ARHGAP1: variants seen among roughly 807,000 people sequenced by gnomAD.
The protein encoded by ARHGAP1 is rho GTPase-activating protein 1.
ARHGAP1 carries 23 observed loss-of-function variants against 52.2 expected under a neutral mutation model. The ratio of observed to expected loss-of-function variants is 0.44; its 90% confidence interval spans 0.32 to 0.62. The LOEUF (loss-of-function observed/expected upper bound fraction) is 0.62, where lower values mean the gene tolerates loss of function less well. ARHGAP1 is among the 20% of genes least tolerant of loss of function. The pLI, the probability that ARHGAP1 is intolerant of heterozygous loss-of-function variation, is 0.05. For missense variants in ARHGAP1, 480 were observed against 560.9 expected (o/e 0.86, Z 1.46); for synonymous variants, 210 against 228.4 (o/e 0.92, Z 0.73).
rs762672874 is a variant in ARHGAP1 at position 46,681,413 on chromosome 11, C to T, written c.450-34G>A. The T allele has an allele frequency of 1.6e-5, 25 of 1,516,052 alleles. No individual in the cohort carries two copies. Among genetic ancestry groups the T allele is most frequent in the South Asian group, 3.4e-5 (3 of 89,006 alleles). The allele number at this position is 1,516,052 out of a possible 1,614,324, so 93.9% of individuals were successfully genotyped here. ...ACAGAATGGACAACTCAGGAGCAGG[C>T]GTGGTGGGACAGGTGCCACGCTAGG... On this transcript the variant is annotated intron_variant, in intron 5 of 12. Coordinates refer to ENST00000311956, the MANE Select transcript of ARHGAP1 (RefSeq NM_004308.5). The surrounding 1 kb of genome is among the most constrained non-coding windows in gnomAD (Gnocchi z 5.7).
Position 46,677,959 on chromosome 11 carries a change from A to C in ARHGAP1, c.*1078T>G. The C allele has an allele frequency of 2.3e-6, 1 of 440,010 alleles. No individual in the cohort carries two copies. The highest frequency in any genetic ancestry group is 4.5e-6 in the Non-Finnish European group (1 of 222,140). The allele number at this position is 440,010 out of a possible 1,614,324, so 27.3% of individuals were successfully genotyped here. A position where few individuals can be genotyped will look rare whatever the true frequency, so the allele number is the denominator to read the frequency against. On this transcript the variant is annotated 3_prime_UTR_variant, in exon 13 of 13. Transcript: ENST00000311956. The stretch of plus-strand genomic sequence containing the variant: ...CTCCATCTCAGAAAAAAAAAAAAAA[A>C]GGTGGCCCTAGAGCCCCTTAATCCC...
At chr11:46,690,657 G>A (rs1480523014) in intron 3 of ARHGAP1, among the ~76,000 whole-genome samples, 2 of 152,026 alleles carry the variant, frequency 1.3e-5, no homozygotes, top group Non-Finnish European at 2.9e-5. Context: ...AGGCATAATC[G>A]CCGCCTGGAA....
Position 46,678,812 on chromosome 11 carries a change from G to C in ARHGAP1, c.*225C>G, listed in dbSNP as rs1260455569. ...CCCAGCTCTGGAGAGCCCAGCAAAA[G>C]CCCGGTGTCCAGAGAGGCAGTGAGA... is the stretch of plus-strand genomic sequence containing the variant. On this transcript the variant is annotated 3_prime_UTR_variant, in exon 13 of 13. Coordinates refer to ENST00000311956, the MANE Select transcript of ARHGAP1 (RefSeq NM_004308.5). The C allele has an allele frequency of 1.8e-6, 1 of 569,296 alleles. No homozygotes were observed. Among genetic ancestry groups the C allele is most frequent in the African/African-American group, 1.9e-5 (1 of 52,496 alleles). 35.3% of individuals were successfully genotyped at this position (569,296 alleles called of 1,614,324 possible). A position where few individuals can be genotyped will look rare whatever the true frequency, so the allele number is the denominator to read the frequency against.
chr11:46,697,406 C>T (rs1422178965), intron 1 of ARHGAP1: 2 of 152,218 alleles, frequency 1.3e-5, no homozygotes, highest in Non-Finnish European at 2.9e-5. Context: ...CCAAAACTGA[C>T]ATATATGGTC....
chr11:46,683,063 C>G (rs2064540950), intron 4 of ARHGAP1, among the ~76,000 whole-genome samples: 1 of 103,832 alleles, frequency 9.6e-6, no homozygotes, highest in Admixed American at 1.3e-4. Flanking sequence ...TTTTTTGAGA[C>G]AGGGTCTTAC....
chr11:46,682,185 T>A lies in ARHGAP1; in HGVS notation c.318-3A>T. The A allele has an allele frequency of 6.2e-7, 1 of 1,613,816 alleles. No individual in the cohort carries two copies. Among genetic ancestry groups the A allele is most frequent in the South Asian group, 1.1e-5 (1 of 91,080 alleles). On this transcript the variant is annotated splice_polypyrimidine_tract_variant and splice_region_variant and intron_variant, in intron 4 of 12. Coordinates refer to ENST00000311956, the MANE Select transcript of ARHGAP1 (RefSeq NM_004308.5). Reference sequence around the variant, plus strand: ...GGTCCAGGGTGTGCTTCAGGTACCTTCCAGGGAAAAGCCCTGCTCAGGCCT... The same window carrying A: ...GGTCCAGGGTGTGCTTCAGGTACCTACCAGGGAAAAGCCCTGCTCAGGCCT...
At position 46,680,136 on chromosome 11, in the gene ARHGAP1, C is replaced by G; in HGVS notation, c.898+69G>C. 1.3e-6 allele frequency: 2 copies of G among 1,503,854 alleles called. No homozygotes were observed. Among genetic ancestry groups the G allele is most frequent in the South Asian group, 2.3e-5 (2 of 88,718 alleles). The allele number at this position is 1,503,854 out of a possible 1,614,324, so 93.2% of individuals were successfully genotyped here. The stretch of plus-strand genomic sequence containing the variant: ...GACTCTGAGACTCTCATTTACAGGG[C>G]AGCAGAGGGCAGAGAAGCCCCCTAC... On this transcript the variant is annotated intron_variant, in intron 10 of 12. Coordinates refer to ENST00000311956, the MANE Select transcript of ARHGAP1 (RefSeq NM_004308.5). This position sits in a 1 kb window ranked among gnomAD's most constrained non-coding sequence, Gnocchi z 5.9.
At position 46,685,055 on chromosome 11, in the gene ARHGAP1, T is replaced by G. The variant is rs2064556993; in HGVS notation, c.318-2873A>C. Among the ~76,000 whole-genome samples, 3 of 135,550 alleles carry G rather than the reference T, an allele frequency of 2.2e-5. 1 individual carries two copies. The Admixed American group carries it at 2.4e-4, about 11-fold the overall frequency. The allele number at this position is 135,550 out of a possible 152,430, so 88.9% of individuals were successfully genotyped here. ...GTGAGCCAACATCGTGCCACTGCAC[T>G]CCAGCCTGGGTGACAGAGCGAGGCT... is the stretch of plus-strand genomic sequence containing the variant. On this transcript the variant is annotated intron_variant, in intron 4 of 12. Transcript: ENST00000311956.
chr11:46,679,934 T>C lies in ARHGAP1; in HGVS notation c.899-158A>G, dbSNP rs2134476680. ...CACCTGCCTCCCTCTTCCTCTGTGA[T>C]CAGAGAATGCAGGTTCCGGCCATCT... On this transcript the variant is annotated intron_variant, in intron 10 of 12. Transcript: ENST00000311956. The surrounding 1 kb of genome is among the most constrained non-coding windows in gnomAD (Gnocchi z 4.4). 1 of 1,250,112 alleles carries C rather than the reference T, an allele frequency of 8.0e-7. No individual in the cohort carries two copies. The highest frequency in any genetic ancestry group is 1.1e-6 in the Non-Finnish European group (1 of 920,664). The allele number at this position is 1,250,112 out of a possible 1,614,324, so 77.4% of individuals were successfully genotyped here.
chr11:46,693,321 A>G (rs1280779370), intron 3 of ARHGAP1, among the ~76,000 whole-genome samples: 1 of 151,780 alleles, frequency 6.6e-6, no homozygotes, highest in African/African-American at 2.4e-5. Flanking sequence ...TTTCAGTCAA[A>G]GAGATCCCCC....
At chr11:46,688,856 G>C (rs1288966740) in intron 3 of ARHGAP1, among the ~76,000 whole-genome samples, 1 of 151,776 alleles carries the variant, frequency 6.6e-6, no homozygotes, top group Non-Finnish European at 1.5e-5. Context: ...GCTGAACCAG[G>C]GGGATCACCT....
At chr11:46,690,884 A>T (rs539229012) in intron 3 of ARHGAP1, among the ~76,000 whole-genome samples, 70 of 144,824 alleles carry the variant, frequency 4.8e-4, no homozygotes, top group African/African-American at 1.5e-3. Context: ...GCAAGCTGTG[A>T]TTTTTTTTTT....
rs1033659387 is a variant in ARHGAP1, at chr11:46,696,281, C to T, written c.-49-125G>A. 9.3e-6 allele frequency: 6 copies of T among 643,030 alleles called. No individual in the cohort carries two copies. The highest frequency in any genetic ancestry group is 1.6e-5 in the Non-Finnish European group (6 of 380,418). The allele number at this position is 643,030 out of a possible 1,614,324, so 39.8% of individuals were successfully genotyped here. A position where few individuals can be genotyped will look rare whatever the true frequency, so the allele number is the denominator to read the frequency against. On this transcript the variant is annotated intron_variant, in intron 1 of 12. Transcript: ENST00000311956. The surrounding 1 kb of genome is among the most constrained non-coding windows in gnomAD (Gnocchi z 4.8). Reference sequence around the variant, plus strand: ...GGCTCCCTGTCCCTATTCCTCAACACTCCTCATCCCCGCCAAGAGCTCCAC... The same window carrying T: ...GGCTCCCTGTCCCTATTCCTCAACATTCCTCATCCCCGCCAAGAGCTCCAC...
rs542091023 is a variant in ARHGAP1 at position 46,681,491 on chromosome 11, G to T, written c.450-112C>A. ...GACAGAGTCTCCTTCACCCAGGCTG[G>T]AGTGTGATCTCAGCTCATTGCAGCC... On this transcript the variant is annotated intron_variant, in intron 5 of 12. Transcript: ENST00000311956. This position sits in a 1 kb window ranked among gnomAD's most constrained non-coding sequence, Gnocchi z 5.7. 3 of 786,608 alleles carry T rather than the reference G, an allele frequency of 3.8e-6. No homozygotes were observed. Among genetic ancestry groups the T allele is most frequent in the Non-Finnish European group, 2.2e-6 (1 of 452,546 alleles). 48.7% of individuals were successfully genotyped at this position (786,608 alleles called of 1,614,324 possible). A position where few individuals can be genotyped will look rare whatever the true frequency, so the allele number is the denominator to read the frequency against.
intron 3 of ARHGAP1, among the ~76,000 whole-genome samples, chr11:46,689,312 CAT>C (rs1491458665): frequency 1.3e-5 from 2 of 152,010 alleles, no homozygotes; most frequent in African/African-American, 4.8e-5. Context: ...TAGATAGGTA[CAT>C]GCATAGAGAC....
At chr11:46,697,819 T>G (rs2064667598) in intron 1 of ARHGAP1, among the ~76,000 whole-genome samples, 1 of 152,144 alleles carries the variant, frequency 6.6e-6, no homozygotes, top group African/African-American at 2.4e-5. Context: ...TTTCTCTGAG[T>G]GATGCCAAAG....
At chr11:46,694,311 C>A (rs934263941) in intron 3 of ARHGAP1, among the ~76,000 whole-genome samples, 1 of 152,074 alleles carries the variant, frequency 6.6e-6, no homozygotes. Flanking sequence ...ACTCCCAGCT[C>A]CCCAGGGTGA....
At position 46,696,192 on chromosome 11, in the gene ARHGAP1, C is replaced by A; in HGVS notation, c.-49-36G>T. ...GGAAGACAGGTGGCAGGTCAGTGACCTGCTCTTTTCACCTTCTGCGACCTC... is the reference window on the plus strand; with the variant it reads ...GGAAGACAGGTGGCAGGTCAGTGACATGCTCTTTTCACCTTCTGCGACCTC... On this transcript the variant is annotated intron_variant, in intron 1 of 12. Coordinates refer to ENST00000311956, the MANE Select transcript of ARHGAP1 (RefSeq NM_004308.5). This position sits in a 1 kb window ranked among gnomAD's most constrained non-coding sequence, Gnocchi z 4.8. 6.9e-7 allele frequency: 1 copy of A among 1,454,572 alleles called. No homozygotes were observed. The highest frequency in any genetic ancestry group is 9.2e-7 in the Non-Finnish European group (1 of 1,082,792). 90.1% of individuals were successfully genotyped at this position (1,454,572 alleles called of 1,614,324 possible).
chr11:46,692,722 C>G (rs1201967854), intron 3 of ARHGAP1, among the ~76,000 whole-genome samples: 2 of 152,108 alleles, frequency 1.3e-5, no homozygotes, highest in East Asian at 3.9e-4. Flanking sequence ...CAGTCTCGCT[C>G]TGTCGCTCAG....
Sources: gnomAD v4.1 joint callset for allele counts (sites outside exome capture counted in the v4.1 genomes callset) on GRCh38, gnomAD v4.1.1 for gene constraint, Gnocchi (gnomAD v3.1) non-coding constraint, MANE v1.5 for transcripts, NCBI Gene and HGNC (gene_info 2026-07-23, HGNC 2026-07-21) for gene names.